ZNF91: variants seen among roughly 807,000 people sequenced by gnomAD.
ZNF91 encodes zinc finger protein 91.
In ZNF91, 7 loss-of-function variants were observed where a neutral mutation model predicts 12.6. The observed-to-expected ratio is 0.55, with a 90% CI of 0.31 to 1.04. The LOEUF (loss-of-function observed/expected upper bound fraction) is 1.04, where lower values mean the gene tolerates loss of function less well. ZNF91 is among the 50% of genes least tolerant of loss of function. The pLI is 0.05. For missense variants in ZNF91, 1,217 were observed against 1,385.4 expected, an observed-to-expected ratio of 0.88 and a Z score of 1.93; for synonymous variants, 453 against 462.6, an observed-to-expected ratio of 0.98 and a Z score of 0.27.
At chr19:23,386,554 G>C (rs1283249583) in intron 1 of ZNF91, among the ~76,000 whole-genome samples, 1 of 152,132 alleles carries the variant, frequency 6.6e-6, no homozygotes, top group Non-Finnish European at 1.5e-5. Flanking sequence ...TAGAAATGTG[G>C]AAAGAATTCC....
chr19:23,313,035 C>T (rs1281273767), upstream of ZNF91, among the ~76,000 whole-genome samples: 1 of 152,216 alleles, frequency 6.6e-6, no homozygotes, highest in East Asian at 1.9e-4. Context: ...TAAAACAGCA[C>T]ACAGGAAAGA....
At chr19:23,387,561 T>C (rs1316597374) in intron 1 of ZNF91, among the ~76,000 whole-genome samples, 2 of 151,378 alleles carry the variant, frequency 1.3e-5, no homozygotes, top group Non-Finnish European at 2.9e-5. Context: ...TAAAAATGCA[T>C]CTCTAAAAAA....
intron 1 of ZNF91, among the ~76,000 whole-genome samples, chr19:23,381,269 A>G (rs1969704644): frequency 6.6e-6 from 1 of 152,198 alleles, no homozygotes; most frequent in Non-Finnish European, 1.5e-5. Flanking sequence ...ACAACTATTT[A>G]AGGAATTCAT....
rs576203503 is a variant in ZNF91, at chr19:23,361,790, T to G, written c.1189A>C (p.Lys397Gln). The change falls in exon 4 of 4, where the codon AAA becomes CAA. Residue 397 changes from lysine to glutamine, a missense_variant. By Grantham distance (53) the Lys-to-Gln change is moderately conservative (BLOSUM62 1). Around this residue, in one of 2 missense-constraint regions of ZNF91, gnomAD observed 726 missense variants for 895.5 expected, o/e 0.81. Coordinates refer to ENST00000300619, the MANE Select transcript of ZNF91 (RefSeq NM_003430.4). ...AGTTTCTCTCCAGCATGTATTATTT[T>G]ATGTTTAGTAAGGGTTGAGAGTCGC... is the stretch of plus-strand genomic sequence containing the variant. ...FKRLSTLTKH[K>Q]IIHAGEKLYK... The G allele has an allele frequency of 1.9e-6, 3 of 1,609,946 alleles. No homozygotes were observed. In the East Asian group the frequency reaches 6.7e-5, roughly 36 times the overall value.
At chr19:23,393,187 C>T (rs1970123538) in intron 1 of ZNF91, among the ~76,000 whole-genome samples, 1 of 151,972 alleles carries the variant, frequency 6.6e-6, no homozygotes, top group East Asian at 1.9e-4. Context: ...CTCCTCAATA[C>T]TAGTATCTGA....
At chr19:23,351,579 A>G (rs1209126308) in intron 3 of ZNF91, among the ~76,000 whole-genome samples, 1 of 152,210 alleles carries the variant, frequency 6.6e-6, no homozygotes, top group Non-Finnish European at 1.5e-5. Context: ...AATTCTAAAT[A>G]CATGACATTG....
chr19:23,344,529 A>G (rs1968182456), intron 3 of ZNF91, among the ~76,000 whole-genome samples: 1 of 152,154 alleles, frequency 6.6e-6, no homozygotes, highest in Admixed American at 6.5e-5. Flanking sequence ...TAGAAGACAC[A>G]TTTCTTTGAA....
chr19:23,374,737 T>C lies in ZNF91; in HGVS notation c.58A>G (p.Ile20Val), dbSNP rs766133392. 1.9e-6 allele frequency: 3 copies of C among 1,612,284 alleles called. No homozygotes were observed. Among genetic ancestry groups the C allele is most frequent in the Admixed American group, 1.7e-5 (1 of 59,948 alleles). ...TGCCACTCCTCCGGAGAGAATTCTA[T>C]GGCCACATCCCTAAATGTCAACAGT... ...MGLLTFRDVA[I>V]EFSPEEWQCL... Residue 20 changes from isoleucine (I) to valine (V), a missense_variant, in exon 2 of 4, where the codon ATA becomes GTA. Around this residue, in one of 2 missense-constraint regions of ZNF91, gnomAD observed 726 missense variants for 895.5 expected, o/e 0.81. Transcript: ENST00000300619.
At chr19:23,308,800 C>G (rs1242875092) in intron 2 of ZNF91, 1 of 152,124 alleles carries the variant, frequency 6.6e-6, no homozygotes, top group African/African-American at 2.4e-5. Context: ...CTCTCTTTTC[C>G]TGGGCCCTCT....
Position 23,360,187 on chromosome 19 carries a change from A to G in ZNF91, c.2792T>C (p.Met931Thr). The change falls in exon 4 of 4, where the codon ATG (methionine) becomes ACG (threonine). Residue 931 changes from methionine (M) to threonine (T), a missense_variant. Transcript: ENST00000300619. ...TTTGTAGGGTTTCTCTCCAGTGTGC[A>G]TCCTCTTATGTGTAGTAAGGTGTGA... is the stretch of plus-strand genomic sequence containing the variant. ...QPSHLTTHKR[M>T]HTGEKPYKCE... The G allele has an allele frequency of 6.2e-7, 1 of 1,613,866 alleles. No homozygotes were observed. Among genetic ancestry groups the G allele is most frequent in the Non-Finnish European group, 8.5e-7 (1 of 1,179,998 alleles).
intron 1 of ZNF91, among the ~76,000 whole-genome samples, chr19:23,376,378 GC>G (rs1969503863): frequency 2.1e-5 from 3 of 144,530 alleles, no homozygotes; most frequent in Non-Finnish European, 3.1e-5. Flanking sequence ...ACTATCATAA[GC>G]TTTTTTTTTT....
At chr19:23,377,716 CA>C (rs1568398596) in intron 1 of ZNF91, among the ~76,000 whole-genome samples, 1 of 152,116 alleles carries the variant, frequency 6.6e-6, no homozygotes, top group Non-Finnish European at 1.5e-5. Context: ...TTAAAGTTCA[CA>C]AAGAAAACAG....
intron 1 of ZNF91, among the ~76,000 whole-genome samples, chr19:23,386,420 C>A (rs576212292): frequency 2.6e-5 from 4 of 152,134 alleles, no homozygotes; most frequent in Admixed American, 2.6e-4. Flanking sequence ...TACTGCAAAG[C>A]TACAGTAAAC....
intron 1 of ZNF91, among the ~76,000 whole-genome samples, chr19:23,381,745 C>A (rs1969723643): frequency 6.6e-6 from 1 of 152,116 alleles, no homozygotes; most frequent in Non-Finnish European, 1.5e-5. Context: ...CCAGCATGAG[C>A]CACCGCGCCC....
At chr19:23,344,041 G>A (rs1365181656) in intron 3 of ZNF91, among the ~76,000 whole-genome samples, 2 of 152,148 alleles carry the variant, frequency 1.3e-5, no homozygotes, top group African/African-American at 2.4e-5. Flanking sequence ...ATGCATATAT[G>A]AGGATGCAAC....
chr19:23,386,056 C>T (rs1480442388), intron 1 of ZNF91, among the ~76,000 whole-genome samples: 1 of 152,068 alleles, frequency 6.6e-6, no homozygotes, highest in East Asian at 1.9e-4. Context: ...TAAACATAAT[C>T]CCATTCACAA....
chr19:23,344,962 C>A (rs1568375146), intron 3 of ZNF91, among the ~76,000 whole-genome samples: 1 of 152,192 alleles, frequency 6.6e-6, no homozygotes, highest in South Asian at 2.1e-4. Context: ...GCATGCCCCT[C>A]GGTCACTGAT....
intron 1 of ZNF91, among the ~76,000 whole-genome samples, chr19:23,386,391 A>C (rs1969874886): frequency 1.3e-5 from 2 of 152,236 alleles, no homozygotes; most frequent in African/African-American, 4.8e-5. Flanking sequence ...AAGGCATTAC[A>C]TTACCTGTTT....
intron 1 of ZNF91, among the ~76,000 whole-genome samples, chr19:23,382,876 C>G (rs567811617): frequency 1.3e-5 from 2 of 152,118 alleles, no homozygotes; most frequent in South Asian, 4.2e-4. Flanking sequence ...GCCTACCAAC[C>G]AAATAAAGCC....
Sources: gnomAD v4.1 joint callset for allele counts (sites outside exome capture counted in the v4.1 genomes callset) on GRCh38, gnomAD v4.1.1 for gene constraint, gnomAD v4.1.1 regional missense constraint, MANE v1.5 for transcripts, NCBI Gene and HGNC (gene_info 2026-07-23, HGNC 2026-07-21) for gene names.